Variants in STAU1 observed in about 807,000 individuals in gnomAD.
The protein encoded by STAU1 is staufen double-stranded RNA binding protein 1, also known as double-stranded RNA-binding protein Staufen homolog 1.
STAU1 carries 13 observed loss-of-function variants against 62.9 expected under a neutral mutation model. The observed-to-expected ratio is 0.21, with a 90% confidence interval of 0.13 to 0.33. The LOEUF is 0.33. STAU1 is among the 10% of genes least tolerant of loss of function. STAU1 has a pLI of 1.00. For synonymous variants in STAU1, 269 were observed against 265.1 expected (o/e 1.01, Z -0.14); for missense variants, 571 against 712.1 (o/e 0.80, Z 2.25).
rs1458321721 is a variant in STAU1 at position 49,113,882 on chromosome 20, A to T, written c.*996T>A. On this transcript the variant is annotated 3_prime_UTR_variant, in exon 14 of 14. Coordinates refer to ENST00000371856, the MANE Select transcript of STAU1 (RefSeq NM_017453.4). ...CAAGAGCCATATGTATAGATACACA[A>T]TGTTTTTTAATAATCTTTAAAACAG... 6.6e-6 allele frequency: 1 copy of T among 152,648 alleles called. No individual in the cohort carries two copies. Among genetic ancestry groups the T allele is most frequent in the East Asian group, 1.9e-4 (1 of 5,196 alleles). 9.5% of individuals were successfully genotyped at this position (152,648 alleles called of 1,614,324 possible).
intron 3 of STAU1, among the ~76,000 whole-genome samples, chr20:49,155,614 A>G (rs1196656240): frequency 1.3e-5 from 2 of 152,234 alleles, no homozygotes; most frequent in Non-Finnish European, 2.9e-5. Context: ...ATTCTGTACT[A>G]TAACTGGTTC....
intron 3 of STAU1, among the ~76,000 whole-genome samples, chr20:49,155,197 G>C (rs2093339307): frequency 6.6e-6 from 1 of 152,174 alleles, no homozygotes; most frequent in Admixed American, 6.5e-5. Context: ...AAAAATCAGT[G>C]AGGAGGTGGC....
chr20:49,170,352 G>A (rs943761624), intron 2 of STAU1, among the ~76,000 whole-genome samples: 8 of 152,148 alleles, frequency 5.3e-5, no homozygotes, highest in Admixed American at 1.3e-4. Flanking sequence ...AGCAATTATG[G>A]AAAAACATTT....
At chr20:49,195,855 G>GC in the STAU1 span, among the ~76,000 whole-genome samples, 1 of 128,050 alleles carries the variant, frequency 7.8e-6, no homozygotes, top group African/African-American at 3.0e-5. Flanking sequence ...GTGAGATAGC[G>GC]CCATTGCACT....
At chr20:49,151,322 G>A (rs141146698) in intron 5 of STAU1, among the ~76,000 whole-genome samples, 10 of 152,200 alleles carry the variant, frequency 6.6e-5, no homozygotes, top group Middle Eastern at 3.4e-3. Context: ...ACTTTCTAAC[G>A]TGTTCACACC....
rs143151409 is a variant in STAU1 at position 49,124,581 on chromosome 20, G to A, written c.616C>T (p.Arg206Trp). The change falls in exon 7 of 14, where the codon CGG (arginine) becomes TGG (tryptophan). Residue 206 changes from arginine (R) to tryptophan (W), a missense_variant. Physicochemically the swap from Arg to Trp is moderately radical, Grantham distance 101. Coordinates refer to ENST00000371856, the MANE Select transcript of STAU1 (RefSeq NM_017453.4). ...TTCATGTGGGGTGGGCCACTCTCCC[G>A]GGCCACCTGTTTCAGAGGGAAAGAC... ...RNLPVNFEVARESGPPHMKNF... is the reference protein window; with the variant it reads ...RNLPVNFEVAWESGPPHMKNF... 5.3e-5 allele frequency: 85 copies of A among 1,613,554 alleles called. No homozygotes were observed. Among genetic ancestry groups the A allele is most frequent in the South Asian group, 1.1e-4 (10 of 91,080 alleles).
chr20:49,204,622 A>ATATATGTG, the STAU1 span, among the ~76,000 whole-genome samples: 1 of 40,612 alleles, frequency 2.5e-5, no homozygotes, highest in African/African-American at 7.7e-5. Flanking sequence ...ATATATATAT[A>ATATATGTG]TGTGTATATA....
At chr20:49,124,321 C>T in intron 7 of STAU1, 54 bp downstream of exon 7, 2 of 1,576,670 alleles carry the variant, frequency 1.3e-6, no homozygotes, top group Non-Finnish European at 1.7e-6. Flanking sequence ...CTTCTAAACC[C>T]CCCACCCATC....
chr20:49,155,742 CAT>C (rs1400002973), intron 3 of STAU1, among the ~76,000 whole-genome samples: 1 of 152,166 alleles, frequency 6.6e-6, no homozygotes, highest in African/African-American at 2.4e-5. Context: ...TTACAAAATT[CAT>C]ATAATTGCAT....
chr20:49,194,429 C>CAAAAAAAAAAAAAAA, the STAU1 span, among the ~76,000 whole-genome samples: 2 of 81,120 alleles, frequency 2.5e-5, no homozygotes, highest in Admixed American at 1.4e-4. Flanking sequence ...AACTCCGTCT[C>CAAAAAAAAAAAAAAA]AAAAAAAAAA....
intron 2 of STAU1, among the ~76,000 whole-genome samples, chr20:49,173,883 A>C (rs567472314): frequency 6.6e-6 from 1 of 152,148 alleles, no homozygotes; most frequent in Non-Finnish European, 1.5e-5. Context: ...GGGTTTTTTT[A>C]AAAAAAGCAA....
the STAU1 span, among the ~76,000 whole-genome samples, chr20:49,205,028 G>C: frequency 1.3e-5 from 2 of 151,962 alleles, no homozygotes; most frequent in African/African-American, 2.4e-5. Flanking sequence ...TGGGCTCAAG[G>C]GTAATTGAGG....
At chr20:49,163,975 T>A (rs750126157) in intron 3 of STAU1, among the ~76,000 whole-genome samples, 1 of 152,102 alleles carries the variant, frequency 6.6e-6, no homozygotes, top group African/African-American at 2.4e-5. Flanking sequence ...CTCACACCTG[T>A]AATTCCAGCA....
chr20:49,208,079 GAGACGGAGTCT>G, the STAU1 span, among the ~76,000 whole-genome samples: 1 of 151,778 alleles, frequency 6.6e-6, no homozygotes, highest in East Asian at 1.9e-4. Context: ...TGTTTGTTTT[GAGACGGAGTCT>G]CACTCTGTCT....
chr20:49,115,015 A>G, intron 13 of STAU1, 122 bp from the exon 14 acceptor site: 5 of 1,033,826 alleles, frequency 4.8e-6, no homozygotes, highest in South Asian at 2.9e-5. Context: ...CCAGTTTATG[A>G]TAACAAAAGT....
the STAU1 span, among the ~76,000 whole-genome samples, chr20:49,211,588 C>A: frequency 2.0e-5 from 3 of 151,672 alleles, no homozygotes; most frequent in Middle Eastern, 3.4e-3. Flanking sequence ...GCTCACTGCA[C>A]CCTCCACCTC....
intron 3 of STAU1, chr20:49,158,872 C>T: frequency 8.8e-7 from 1 of 1,137,638 alleles, no homozygotes; most frequent in Non-Finnish European, 1.2e-6. Context: ...CACTGCACTC[C>T]AGCCTGGGCC....
chr20:49,132,995 T>C (rs951874631), intron 6 of STAU1, among the ~76,000 whole-genome samples: 1 of 152,186 alleles, frequency 6.6e-6, no homozygotes, highest in Non-Finnish European at 1.5e-5. Flanking sequence ...AACATAATAA[T>C]GCAAGCTAGT....
chr20:49,147,486 C>T (rs2093153278), intron 5 of STAU1, among the ~76,000 whole-genome samples: 1 of 152,196 alleles, frequency 6.6e-6, no homozygotes, highest in Non-Finnish European at 1.5e-5. Flanking sequence ...ATGATCATTT[C>T]CAATGCTGGC....
Sources: allele counts gnomAD v4.1 joint callset (sites outside exome capture counted in the v4.1 genomes callset), GRCh38; gene constraint gnomAD v4.1.1; transcripts MANE v1.5; gene names NCBI Gene and HGNC (gene_info 2026-07-23, HGNC 2026-07-21).